Variants in EMCN observed in about 807,000 individuals in gnomAD.
The protein encoded by EMCN is endomucin.
A neutral mutation model predicts 38.4 loss-of-function variants in EMCN; 37 were observed. The ratio of observed to expected loss-of-function variants is 0.96; its 90% CI spans 0.74 to 1.27. The LOEUF is 1.27. Among genes scored for constraint, EMCN ranks in the 50% most tolerant of loss-of-function variants. The pLI is 0.00. For synonymous variants in EMCN, 95 were observed against 100.8 expected (o/e 0.94, Z 0.35); for missense variants, 318 against 302.8 (o/e 1.05, Z -0.37).
chr4:100,512,085 C>T lies in EMCN; in HGVS notation c.64+5766G>A, dbSNP rs565087999. On this transcript the variant is annotated intron_variant, in intron 1 of 11. Transcript: ENST00000296420. ...GCATTAAAGTGAGGCAAGCGGCTGT[C>T]AGGTTACACCCGTGCGTAGCTGGTT... Among the ~76,000 whole-genome samples, 11 of 152,312 alleles carry T rather than the reference C, an allele frequency of 7.2e-5. No individual in the cohort carries two copies. The South Asian group carries it at 2.3e-3, about 32-fold the overall frequency.
intron 1 of EMCN, among the ~76,000 whole-genome samples, chr4:100,512,139 C>A (rs548782330): frequency 2.6e-5 from 4 of 152,216 alleles, no homozygotes; most frequent in African/African-American, 7.2e-5. Flanking sequence ...GTAAACGTGG[C>A]CAGAGAAGAT....
At chr4:100,514,298 A>C (rs1236570164) in intron 1 of EMCN, among the ~76,000 whole-genome samples, 1 of 151,664 alleles carries the variant, frequency 6.6e-6, no homozygotes, top group Admixed American at 6.6e-5. Context: ...TTCTGGTATT[A>C]AAAAAAACTC....
At chr4:100,502,848 CT>C (rs1394653038) in intron 1 of EMCN, among the ~76,000 whole-genome samples, 2 of 152,028 alleles carry the variant, frequency 1.3e-5, no homozygotes, top group Non-Finnish European at 2.9e-5. Context: ...TATATTTTCT[CT>C]TTATTTTTCC....
chr4:100,433,197 A>G (rs1727250987), intron 5 of EMCN, among the ~76,000 whole-genome samples: 1 of 152,178 alleles, frequency 6.6e-6, no homozygotes, highest in East Asian at 1.9e-4. Flanking sequence ...TAGATTTCAC[A>G]TGTAAGTGAG....
intron 1 of EMCN, among the ~76,000 whole-genome samples, chr4:100,483,209 A>G (rs1728857472): frequency 6.6e-6 from 1 of 152,114 alleles, no homozygotes; most frequent in Non-Finnish European, 1.5e-5. Flanking sequence ...TCTTATGATC[A>G]TCATTTTATG....
chr4:100,453,668 CT>C (rs1727915069), intron 4 of EMCN, among the ~76,000 whole-genome samples: 1 of 152,096 alleles, frequency 6.6e-6, no homozygotes, highest in East Asian at 1.9e-4. Context: ...CATCCCATTA[CT>C]GGGTATATAC....
chr4:100,414,563 G>A (rs4699799), intron 10 of EMCN, among the ~76,000 whole-genome samples: 26,310 of 151,696 alleles, frequency 0.17, 3,796 homozygotes, highest in East Asian at 0.77. Flanking sequence ...ATTGAAGAGT[G>A]GAAGAGATAC....
chr4:100,462,051 T>C lies in EMCN; in HGVS notation c.376+3372A>G, dbSNP rs114556455. ...GCAAATGGAAATGTGTGCAAACACA[T>C]TATATCAAGTAGGGTCCATGTTGGG... On this transcript the variant is annotated intron_variant, in intron 4 of 11. Transcript: ENST00000296420. Among the ~76,000 whole-genome samples the C allele has an allele frequency of 1.1e-3, 166 of 152,184 alleles. 1 individual carries two copies. The highest frequency in any genetic ancestry group is 3.8e-3 in the African/African-American group (158 of 41,570).
intron 5 of EMCN, among the ~76,000 whole-genome samples, chr4:100,427,038 T>C (rs2110223363): frequency 6.6e-6 from 1 of 152,276 alleles, no homozygotes; most frequent in Middle Eastern, 3.4e-3. Flanking sequence ...CAGGGCATGG[T>C]GGCTCACGCC....
chr4:100,426,624 G>A (rs1028432832), intron 5 of EMCN, among the ~76,000 whole-genome samples: 3 of 152,164 alleles, frequency 2.0e-5, no homozygotes, highest in Non-Finnish European at 4.4e-5. Context: ...TCCCTGGCAA[G>A]TATTTAAAAG....
chr4:100,442,043 T>C (rs1167168266), intron 5 of EMCN, among the ~76,000 whole-genome samples: 1 of 152,174 alleles, frequency 6.6e-6, no homozygotes, highest in African/African-American at 2.4e-5. Context: ...AGATTCCCAT[T>C]TGAAGAACTC....
intron 1 of EMCN, among the ~76,000 whole-genome samples, chr4:100,482,246 G>C (rs1578223754): frequency 6.6e-6 from 1 of 152,136 alleles, no homozygotes; most frequent in East Asian, 1.9e-4. Context: ...CAATATGAGA[G>C]TGGTATTGCA....
chr4:100,410,823 G>A (rs1446836938), intron 10 of EMCN, among the ~76,000 whole-genome samples: 1 of 152,068 alleles, frequency 6.6e-6, no homozygotes, highest in Non-Finnish European at 1.5e-5. Context: ...TGAACACTTG[G>A]GTGATATACA....
chr4:100,488,592 C>G (rs759526869), intron 1 of EMCN, among the ~76,000 whole-genome samples: 96 of 152,032 alleles, frequency 6.3e-4, no homozygotes, highest in Non-Finnish European at 8.8e-4. Flanking sequence ...ATAAACAGAG[C>G]CCATATTCAA....
chr4:100,492,659 A>G (rs1353396394), intron 1 of EMCN, among the ~76,000 whole-genome samples: 1 of 152,084 alleles, frequency 6.6e-6, no homozygotes, highest in Non-Finnish European at 1.5e-5. Flanking sequence ...GAAAGCAACA[A>G]TAGATAAAAA....
intron 3 of EMCN, among the ~76,000 whole-genome samples, chr4:100,466,980 G>A (rs965330128): frequency 2.0e-5 from 3 of 152,134 alleles, no homozygotes; most frequent in Admixed American, 6.6e-5. Context: ...CAGTCTTGGT[G>A]GAGGGAAAGA....
chr4:100,398,308 G>T lies in EMCN; in HGVS notation c.*105C>A, dbSNP rs1163088875. 1 of 152,158 alleles carries T rather than the reference G, an allele frequency of 6.6e-6. No homozygotes were observed. The highest frequency in any genetic ancestry group is 1.5e-5 in the Non-Finnish European group (1 of 68,046). The allele number at this position is 152,158 out of a possible 1,614,324, so 9.4% of individuals were successfully genotyped here. A position where few individuals can be genotyped will look rare whatever the true frequency, so the allele number is the denominator to read the frequency against. On this transcript the variant is annotated 3_prime_UTR_variant, in exon 12 of 12. Transcript: ENST00000296420. Reference sequence around the variant, plus strand: ...GTACAGTCCAGCAGCAGGTATGGAAGTCGGGATTGATTCTGCAGGACTTTC... The same window carrying T: ...GTACAGTCCAGCAGCAGGTATGGAATTCGGGATTGATTCTGCAGGACTTTC...
intron 1 of EMCN, among the ~76,000 whole-genome samples, chr4:100,480,649 T>C (rs997708194): frequency 1.3e-5 from 2 of 151,756 alleles, no homozygotes; most frequent in African/African-American, 4.8e-5. Flanking sequence ...ATTCAACAAC[T>C]GCAACATACT....
At chr4:100,433,084 A>G (rs1727248615) in intron 5 of EMCN, among the ~76,000 whole-genome samples, 2 of 152,172 alleles carry the variant, frequency 1.3e-5, no homozygotes, top group East Asian at 1.9e-4. Flanking sequence ...TTTATCCCAC[A>G]TAGCTGCTAC....
Sources: gnomAD v4.1 joint callset for allele counts (sites outside exome capture counted in the v4.1 genomes callset) on GRCh38, gnomAD v4.1.1 for gene constraint, MANE v1.5 for transcripts, NCBI Gene and HGNC (gene_info 2026-07-23, HGNC 2026-07-21) for gene names.